PRKD1: variants seen among roughly 807,000 people sequenced by gnomAD.
PRKD1 encodes the protein protein kinase D1, also known as serine/threonine-protein kinase D1.
In PRKD1, 63 loss-of-function variants were observed where a neutral mutation model predicts 95.9. The observed-to-expected ratio is 0.66, with a 90% CI of 0.54 to 0.81. PRKD1 has a LOEUF of 0.81. Among genes scored for constraint, PRKD1 ranks in the 30% least tolerant of loss-of-function variants. PRKD1 has a pLI of 0.00. For missense variants in PRKD1, 1,048 were observed against 1,165.3 expected (o/e 0.90, Z 1.47); for synonymous variants, 425 against 423.1 (o/e 1.00, Z -0.05).
chr14:29,921,794 CCCA>C (rs917412114), intron 1 of PRKD1, among the ~76,000 whole-genome samples: 1 of 151,884 alleles, frequency 6.6e-6, no homozygotes, highest in African/African-American at 2.4e-5. Context: ...TCCAGTAACC[CCCA>C]CCACCACCAC....
intron 1 of PRKD1, among the ~76,000 whole-genome samples, chr14:29,821,031 C>T (rs977359564): frequency 2.0e-5 from 3 of 152,154 alleles, no homozygotes; most frequent in Admixed American, 2.0e-4. Context: ...AAGATGAAGT[C>T]AGCTTTGAAC....
chr14:29,753,772 T>C (rs576762879), intron 1 of PRKD1, among the ~76,000 whole-genome samples: 2 of 152,256 alleles, frequency 1.3e-5, no homozygotes, highest in African/African-American at 4.8e-5. Flanking sequence ...GGTACATAAG[T>C]CCATAGCCTC....
intron 1 of PRKD1, among the ~76,000 whole-genome samples, chr14:29,776,835 A>G (rs756867428): frequency 2.0e-5 from 3 of 152,316 alleles, no homozygotes; most frequent in Non-Finnish European, 2.9e-5. Flanking sequence ...TCCAAGACAC[A>G]TAATTGTCAG....
At chr14:29,658,032 G>A (rs974837268) in intron 4 of PRKD1, 12 of 152,158 alleles carry the variant, frequency 7.9e-5, no homozygotes, top group African/African-American at 2.9e-4. Context: ...GGTACTCTTA[G>A]GGCACATTTG....
At chr14:29,707,849 C>A (rs1460889916) in intron 2 of PRKD1, among the ~76,000 whole-genome samples, 2 of 152,040 alleles carry the variant, frequency 1.3e-5, no homozygotes, top group East Asian at 1.9e-4. Flanking sequence ...TGGACTCATT[C>A]TTTATTCATC....
chr14:29,621,799 A>T (rs558341968), intron 13 of PRKD1, among the ~76,000 whole-genome samples: 3 of 152,180 alleles, frequency 2.0e-5, no homozygotes, highest in Non-Finnish European at 2.9e-5. Flanking sequence ...TAGTTTGATG[A>T]ATGAGGCAAA....
chr14:29,874,691 A>G (rs746640820), intron 1 of PRKD1, among the ~76,000 whole-genome samples: 3 of 152,204 alleles, frequency 2.0e-5, no homozygotes, highest in Non-Finnish European at 4.4e-5. Flanking sequence ...TTGCAACAAC[A>G]TGGACATAAA....
intron 1 of PRKD1, among the ~76,000 whole-genome samples, chr14:29,796,252 A>C (rs1279152691): frequency 6.6e-6 from 1 of 152,164 alleles, no homozygotes; most frequent in African/African-American, 2.4e-5. Flanking sequence ...TAGTTTCTCT[A>C]TCTTATTTTG....
At chr14:29,601,951 G>A (rs967045892) in intron 13 of PRKD1, among the ~76,000 whole-genome samples, 2 of 152,228 alleles carry the variant, frequency 1.3e-5, no homozygotes, top group Non-Finnish European at 2.9e-5. Flanking sequence ...AGTTCGGCTA[G>A]AGTTCTGATT....
intron 1 of PRKD1, among the ~76,000 whole-genome samples, chr14:29,874,032 T>A (rs2139382957): frequency 6.6e-6 from 1 of 152,330 alleles, no homozygotes; most frequent in East Asian, 1.9e-4. Flanking sequence ...GTTCTAACAT[T>A]CTTCACAAAT....
chr14:29,841,888 A>C (rs8021816), intron 1 of PRKD1, among the ~76,000 whole-genome samples: 18,548 of 151,596 alleles, frequency 0.12, 1,741 homozygotes, highest in African/African-American at 0.26. Context: ...GCTGTACCCC[A>C]AAAAAAATTT....
At chr14:29,878,768 G>T (rs1378847348) in intron 1 of PRKD1, among the ~76,000 whole-genome samples, 1 of 152,038 alleles carries the variant, frequency 6.6e-6, no homozygotes, top group Non-Finnish European at 1.5e-5. Context: ...ACAGGAATGG[G>T]GAATTATTGC....
intron 1 of PRKD1, among the ~76,000 whole-genome samples, chr14:29,866,508 T>C (rs572735735): frequency 1.3e-5 from 2 of 152,284 alleles, no homozygotes; most frequent in Admixed American, 1.3e-4. Flanking sequence ...ACACTCAAGG[T>C]GTTTAAGTCT....
At chr14:29,742,537 T>C (rs932065100) in intron 1 of PRKD1, among the ~76,000 whole-genome samples, 1 of 152,114 alleles carries the variant, frequency 6.6e-6, no homozygotes, top group African/African-American at 2.4e-5. Context: ...AAGGCAGATA[T>C]AATTTACAAA....
At chr14:29,640,365 G>A (rs1880679380) in intron 4 of PRKD1, among the ~76,000 whole-genome samples, 1 of 152,064 alleles carries the variant, frequency 6.6e-6, no homozygotes, top group African/African-American at 2.4e-5. Flanking sequence ...GTACCAAAAG[G>A]TTAAATACTA....
rs188514472 is a variant in PRKD1, at chr14:29,631,152, T to C, written c.1393-131A>G. The C allele has an allele frequency of 1.3e-4, 115 of 910,448 alleles. 1 individual carries two copies. The East Asian group carries it at 1.4e-3, about 11-fold the overall frequency. 56.4% of individuals were successfully genotyped at this position (910,448 alleles called of 1,614,324 possible). On this transcript the variant is annotated intron_variant, in intron 9 of 17. Coordinates refer to ENST00000331968, the MANE Select transcript of PRKD1 (RefSeq NM_002742.3). ...ATTTAAATAAAATACTTTTAAACTA[T>C]AAAACACAGAATACTGCTAAGCAAA...
chr14:29,590,407 G>C (rs917282653), intron 16 of PRKD1, among the ~76,000 whole-genome samples: 1 of 152,126 alleles, frequency 6.6e-6, no homozygotes, highest in Non-Finnish European at 1.5e-5. Context: ...GTTAAGCTTT[G>C]ATGGTCAAAT....
chr14:29,913,950 T>G (rs8012958), intron 1 of PRKD1, among the ~76,000 whole-genome samples: 4,896 of 152,286 alleles, frequency 0.032, 99 homozygotes, highest in East Asian at 0.11. Flanking sequence ...AAAAGAGAAG[T>G]CTCTATGTAA....
Position 29,595,785 on chromosome 14 carries a change from T to C in PRKD1, c.2434+1706A>G, listed in dbSNP as rs12897992. Among the ~76,000 whole-genome samples, 270 of 152,192 alleles carry C rather than the reference T, an allele frequency of 1.8e-3. 1 individual carries two copies. The highest frequency in any genetic ancestry group is 3.0e-3 in the Non-Finnish European group (206 of 67,962). ...ACCCAATTCCTGTGTAACAGGAAAG[T>C]GTTTGATTGGCTTCAGTGGTATTAC... is the stretch of plus-strand genomic sequence containing the variant. On this transcript the variant is annotated intron_variant, in intron 16 of 17. Transcript: ENST00000331968.
Sources: gnomAD v4.1 joint callset for allele counts (sites outside exome capture counted in the v4.1 genomes callset) on GRCh38, gnomAD v4.1.1 for gene constraint, MANE v1.5 for transcripts, NCBI Gene and HGNC (gene_info 2026-07-23, HGNC 2026-07-21) for gene names.